Variants in IL10RA observed in about 807,000 individuals in gnomAD.
IL10RA encodes the protein interleukin 10 receptor subunit alpha.
IL10RA carries 18 observed loss-of-function variants against 29.6 expected under a neutral mutation model. That is an observed-to-expected ratio of 0.61 (90% CI 0.42 to 0.90). The LOEUF is 0.90. IL10RA is among the 40% of genes least tolerant of loss of function. The pLI, the probability that IL10RA is intolerant of heterozygous loss-of-function variation, is 0.00. For missense variants in IL10RA, 634 were observed against 716.6 expected (o/e 0.88, Z 1.32); for synonymous variants, 292 against 294.1 (o/e 0.99, Z 0.07).
At chr11:118,001,535 G>A (rs1007359280), downstream of IL10RA, 2 of 375,216 alleles carry the variant, frequency 5.3e-6, no homozygotes, top group Non-Finnish European at 1.0e-5. Flanking sequence ...TGGAGGACTC[G>A]GTTGTTGATA....
At chr11:117,992,974 GC>G in intron 3 of IL10RA, 13 of 488,394 alleles carry the variant, frequency 2.7e-5, no homozygotes, top group South Asian at 2.6e-4. Flanking sequence ...TGTGTTCTTG[GC>G]CCCTTTGTTG....
At position 117,988,335 on chromosome 11, in the gene IL10RA, A is replaced by G. The variant is rs1029214049; in HGVS notation, c.68-47A>G. ...TTCTTTGGTAAAATTGGGGTCATCA[A>G]TGCCTGCCCCCCCTCCCAGCTGTGG... On this transcript the variant is annotated intron_variant, in intron 1 of 6. Coordinates refer to ENST00000227752, the MANE Select transcript of IL10RA (RefSeq NM_001558.4). The G allele has an allele frequency of 3.1e-6, 5 of 1,612,814 alleles. No individual in the cohort carries two copies. The Admixed American group carries it at 5.0e-5, about 16-fold the overall frequency.
Position 118,000,065 on chromosome 11 carries a change from T to G in IL10RA, c.*424T>G. The G allele has an allele frequency of 2.2e-6, 1 of 459,330 alleles. No homozygotes were observed. Among genetic ancestry groups the G allele is most frequent in the Non-Finnish European group, 4.3e-6 (1 of 230,612 alleles). 28.5% of individuals were successfully genotyped at this position (459,330 alleles called of 1,614,324 possible). ...GCTTAGGCCACTCGAGCATCAGAGCTTCCAGCAGGAGGAAGGGCTGTAGGA... is the reference window on the plus strand; with the variant it reads ...GCTTAGGCCACTCGAGCATCAGAGCGTCCAGCAGGAGGAAGGGCTGTAGGA... On this transcript the variant is annotated 3_prime_UTR_variant, in exon 7 of 7. Transcript: ENST00000227752.
At chr11:117,995,755 C>A (rs749051997) in intron 6 of IL10RA, 45 bp downstream of exon 6, 3 of 1,603,720 alleles carry the variant, frequency 1.9e-6, no homozygotes, top group African/African-American at 2.7e-5. Context: ...CCCAGCCACA[C>A]CCGAGCTTCC....
chr11:117,999,622 G>A lies in IL10RA; in HGVS notation c.1718G>A (p.Ser573Asn), dbSNP rs1338593881. 1.4e-5 allele frequency: 22 copies of A among 1,613,914 alleles called. No homozygotes were observed. The highest frequency in any genetic ancestry group is 8.3e-5 in the Admixed American group (5 of 60,006). ...SDLVTLPLISSLQSSE is the reference protein window; with the variant it reads ...SDLVTLPLISNLQSSE ...CTGGTCACCCTGCCCCTCATCTCTA[G>A]CCTGCAGTCAAGTGAGTGACTCGGG... The change falls in exon 7 of 7, where the codon AGC becomes AAC. Residue 573 changes from serine (S) to asparagine (N), a missense_variant. By Grantham distance (46) the Ser-to-Asn change is conservative (BLOSUM62 1). Coordinates refer to ENST00000227752, the MANE Select transcript of IL10RA (RefSeq NM_001558.4).
rs1336036728 is a variant in IL10RA, at chr11:118,000,177, G to A, written c.*536G>A. ...TCACATGGGGAACCTCCCCTCATCG[G>A]GCCTCTGGGGCAGGAAGCTTGTCAC... is the stretch of plus-strand genomic sequence containing the variant. On this transcript the variant is annotated 3_prime_UTR_variant, in exon 7 of 7. Transcript: ENST00000227752. The A allele has an allele frequency of 2.2e-6, 1 of 454,262 alleles. No homozygotes were observed. Among genetic ancestry groups the A allele is most frequent in the Non-Finnish European group, 4.4e-6 (1 of 226,916 alleles). 28.1% of individuals were successfully genotyped at this position (454,262 alleles called of 1,614,324 possible). A position where few individuals can be genotyped will look rare whatever the true frequency, so the allele number is the denominator to read the frequency against.
At position 118,000,920 on chromosome 11, in the gene IL10RA, C is replaced by T. The variant is rs772186817; in HGVS notation, c.*1279C>T. 3 of 454,216 alleles carry T rather than the reference C, an allele frequency of 6.6e-6. No homozygotes were observed. The highest frequency in any genetic ancestry group is 3.1e-5 in the South Asian group (2 of 64,476). The allele number at this position is 454,216 out of a possible 1,614,324, so 28.1% of individuals were successfully genotyped here. A position where few individuals can be genotyped will look rare whatever the true frequency, so the allele number is the denominator to read the frequency against. ...TTATGGGCCCTGCCTCCCCATAGGC[C>T]ATTTGGACTCTGCCTTCAAACAAAG... On this transcript the variant is annotated 3_prime_UTR_variant, in exon 7 of 7. Transcript: ENST00000227752.
rs937879696 is a variant in IL10RA, at chr11:117,989,981, G to C, written c.367+361G>C. Among the ~76,000 whole-genome samples, 3 of 152,046 alleles carry C rather than the reference G, an allele frequency of 2.0e-5. No homozygotes were observed. Among genetic ancestry groups the C allele is most frequent in the Non-Finnish European group, 4.4e-5 (3 of 68,016 alleles). On this transcript the variant is annotated intron_variant, in intron 3 of 6. Transcript: ENST00000227752. This position sits in a 1 kb window ranked among gnomAD's most constrained non-coding sequence, Gnocchi z 4.5. ...GGCAGCAAGCAGTAGGCAGAATTTG[G>C]GTGAACGCCCCGCTTCTTTAGGGGT... is the stretch of plus-strand genomic sequence containing the variant.
At chr11:117,996,377 GA>G (rs2058056870) in intron 6 of IL10RA, among the ~76,000 whole-genome samples, 1 of 152,178 alleles carries the variant, frequency 6.6e-6, no homozygotes. Context: ...ACTGACAAAT[GA>G]TACATTTGTG....
intron 2 of IL10RA, among the ~76,000 whole-genome samples, chr11:117,988,879 G>A (rs555362412): frequency 2.6e-5 from 4 of 152,276 alleles, no homozygotes; most frequent in South Asian, 2.1e-4. Context: ...TCCCATCTCA[G>A]CCTCCCAAGT....
intron 3 of IL10RA, chr11:117,992,867 C>T (rs972070899): frequency 2.3e-5 from 6 of 262,580 alleles, no homozygotes; most frequent in African/African-American, 9.0e-5. Flanking sequence ...TTGATTGTTG[C>T]GTAAGAGGTG....
chr11:117,994,352 G>A (rs1484015405), intron 5 of IL10RA: 9 of 579,126 alleles, frequency 1.6e-5, no homozygotes. Flanking sequence ...CAACTTCCTA[G>A]GGTTGCACAG....
rs1037827236 is a variant in IL10RA at position 118,000,073 on chromosome 11, G to A, written c.*432G>A. On this transcript the variant is annotated 3_prime_UTR_variant, in exon 7 of 7. Coordinates refer to ENST00000227752, the MANE Select transcript of IL10RA (RefSeq NM_001558.4). ...CACTCGAGCATCAGAGCTTCCAGCA[G>A]GAGGAAGGGCTGTAGGAATGGAAGC... 1.3e-5 allele frequency: 6 copies of A among 458,952 alleles called. No homozygotes were observed. The highest frequency in any genetic ancestry group is 8.0e-5 in the African/African-American group (4 of 50,194). 28.4% of individuals were successfully genotyped at this position (458,952 alleles called of 1,614,324 possible). A position where few individuals can be genotyped will look rare whatever the true frequency, so the allele number is the denominator to read the frequency against.
chr11:118,000,584 G>T lies in IL10RA; in HGVS notation c.*943G>T. The T allele has an allele frequency of 2.2e-6, 1 of 454,266 alleles. No homozygotes were observed. The highest frequency in any genetic ancestry group is 4.4e-6 in the Non-Finnish European group (1 of 226,794). 28.1% of individuals were successfully genotyped at this position (454,266 alleles called of 1,614,324 possible). Reference sequence around the variant, plus strand: ...GCCTGTGCTTGTGTTTGCTGCTAATGTCCAGCTACAGACCCAGAGGATAAG... The same window carrying T: ...GCCTGTGCTTGTGTTTGCTGCTAATTTCCAGCTACAGACCCAGAGGATAAG... On this transcript the variant is annotated 3_prime_UTR_variant, in exon 7 of 7. Coordinates refer to ENST00000227752, the MANE Select transcript of IL10RA (RefSeq NM_001558.4).
At position 118,001,304 on chromosome 11, in the gene IL10RA, GA is replaced by G. The variant is rs1165050430; in HGVS notation, c.*1665del. 4.4e-6 allele frequency: 2 copies of G among 454,206 alleles called. No individual in the cohort carries two copies. The highest frequency in any genetic ancestry group is 8.8e-6 in the Non-Finnish European group (2 of 226,828). 28.1% of individuals were successfully genotyped at this position (454,206 alleles called of 1,614,324 possible). ...CTGTTTCCAGTGGTATGACCTTGGA[GA>G]AGTCACTTATCCTCTTGGAGCCTCA... is the stretch of plus-strand genomic sequence containing the variant. On this transcript the variant is annotated 3_prime_UTR_variant, in exon 7 of 7. Transcript: ENST00000227752.
intron 4 of IL10RA, 112 bp downstream of exon 4, chr11:117,993,522 G>T (rs1045109534): frequency 7.4e-6 from 7 of 941,570 alleles, no homozygotes; most frequent in Non-Finnish European, 1.2e-5. Context: ...TAAAGGGAGG[G>T]TCTGGGATGG....
rs2058035577 is a variant in IL10RA at position 117,993,288 on chromosome 11, A to G, written c.415A>G (p.Ile139Val). The G allele has an allele frequency of 6.2e-7, 1 of 1,613,990 alleles. No homozygotes were observed. Among genetic ancestry groups the G allele is most frequent in the Admixed American group, 1.7e-5 (1 of 60,018 alleles). Residue 139 changes from isoleucine to valine, a missense_variant, in exon 4 of 7, where the codon ATC becomes GTC. Physicochemically the swap from Ile to Val is conservative, Grantham distance 29. Coordinates refer to ENST00000227752, the MANE Select transcript of IL10RA (RefSeq NM_001558.4). ...GAACCTAGAGATCCACAATGGCTTCATCCTCGGGAAGATTCAGCTACCCAG... is the reference window on the plus strand; with the variant it reads ...GAACCTAGAGATCCACAATGGCTTCGTCCTCGGGAAGATTCAGCTACCCAG... Reference protein sequence around the residue: ...SVNLEIHNGFILGKIQLPRPK... With the variant: ...SVNLEIHNGFVLGKIQLPRPK...
chr11:117,993,398 G>A lies in IL10RA; in HGVS notation c.525G>A (p.Pro175=), dbSNP rs2228054. The A allele has an allele frequency of 0.066, 105,969 of 1,613,958 alleles. 6,212 individuals are homozygous for A. The highest frequency in any genetic ancestry group is 0.37 in the East Asian group (16,547 of 44,860). Residue 175 remains proline, a synonymous_variant, in exon 4 of 7, where the codon CCG becomes CCA. Coordinates refer to ENST00000227752, the MANE Select transcript of IL10RA (RefSeq NM_001558.4). ...ATGAGATTGCCATTCGCAAGGTGCC[G>A]GGAAACTTCACGGTATGGGGTTCCC... ...REYEIAIRKV[P]GNFTFTHKKV...
At chr11:117,991,909 A>AT (rs1225253044) in intron 3 of IL10RA, among the ~76,000 whole-genome samples, 2 of 151,826 alleles carry the variant, frequency 1.3e-5, no homozygotes, top group African/African-American at 4.8e-5. Flanking sequence ...TAATTTTTGT[A>AT]TTTTTAATAG....
Sources: allele counts gnomAD v4.1 joint callset (sites outside exome capture counted in the v4.1 genomes callset), GRCh38; gene constraint gnomAD v4.1.1; non-coding constraint Gnocchi (gnomAD v3.1); transcripts MANE v1.5; gene names NCBI Gene and HGNC (gene_info 2026-07-23, HGNC 2026-07-21).